OTOP1: variants seen among roughly 807,000 people sequenced by gnomAD.
OTOP1 encodes otopetrin 1, also known as proton channel OTOP1.
OTOP1 carries 59 observed loss-of-function variants against 52.9 expected under a neutral mutation model. The ratio of observed to expected loss-of-function variants is 1.12; its 90% confidence interval spans 0.91 to 1.39. The LOEUF (loss-of-function observed/expected upper bound fraction) is 1.39, where lower values mean the gene tolerates loss of function less well. Ranked by LOEUF, OTOP1 falls within the 40% of genes most tolerant of loss-of-function variation. The pLI is 0.00. For missense variants in OTOP1, 761 were observed against 800.9 expected (o/e 0.95, Z 0.60); for synonymous variants, 317 against 337.7 (o/e 0.94, Z 0.67).
intron 1 of OTOP1, among the ~76,000 whole-genome samples, chr4:4,218,003 T>C (rs188757497): frequency 1.3e-5 from 2 of 152,158 alleles, no homozygotes; most frequent in Non-Finnish European, 1.5e-5. Context: ...TTCAAATGGA[T>C]AAACTGCCTG....
In OTOP1 at chr4:4,197,780, G is replaced by C; in HGVS notation, c.1054C>G (p.Leu352Val). The C allele has an allele frequency of 6.2e-7, 1 of 1,614,052 alleles. No individual in the cohort carries two copies. The highest frequency in any genetic ancestry group is 8.5e-7 in the Non-Finnish European group (1 of 1,180,006). Reference protein sequence around the residue: ...KSESALIMFYLYAITLLMLMG... With the variant: ...KSESALIMFYVYAITLLMLMG... ...AGCATCAGCAGGGTGATGGCATACAGGTAGAACATGATGAGTGCCGACTCG... is the reference window on the plus strand; with the variant it reads ...AGCATCAGCAGGGTGATGGCATACACGTAGAACATGATGAGTGCCGACTCG... The change falls in exon 5 of 6, where the codon CTG becomes GTG. Residue 352 changes from leucine to valine, a missense_variant. Leu to Val is a conservative substitution (Grantham distance 32, BLOSUM62 1). Around this residue, in one of 3 missense-constraint regions of OTOP1, gnomAD observed 632 missense variants for 619.5 expected, o/e 1.02. Coordinates refer to ENST00000296358, the MANE Select transcript of OTOP1 (RefSeq NM_177998.3).
chr4:4,203,524 G>C (rs185786369), intron 3 of OTOP1, among the ~76,000 whole-genome samples: 4 of 152,296 alleles, frequency 2.6e-5, no homozygotes, highest in East Asian at 1.9e-4. Flanking sequence ...TGCCTCCTAA[G>C]GCAGAAGATA....
At chr4:4,189,511 T>C (rs2920256) in intron 5 of OTOP1, among the ~76,000 whole-genome samples, 107,231 of 152,084 alleles carry the variant, frequency 0.71, 38,243 homozygotes, top group South Asian at 0.81. Flanking sequence ...TCCCTGGCTG[T>C]GGCAGGCAGC....
intron 2 of OTOP1, among the ~76,000 whole-genome samples, chr4:4,210,267 C>G (rs975341908): frequency 1.3e-5 from 2 of 152,208 alleles, no homozygotes; most frequent in Non-Finnish European, 2.9e-5. Flanking sequence ...CGCTGTATCA[C>G]TATAAGGCTC....
Position 4,212,277 on chromosome 4 carries a change from T to C in OTOP1, c.540+591A>G, listed in dbSNP as rs1046013198. ...TATTTAAATTATATTTATCAAATCC[T>C]TACTTCTGAGCCACACCAAGTTTAC... On this transcript the variant is annotated intron_variant, in intron 2 of 5. Transcript: ENST00000296358. Among the ~76,000 whole-genome samples the C allele has an allele frequency of 3.9e-5, 6 of 152,186 alleles. No individual in the cohort carries two copies. The East Asian group carries it at 1.2e-3, about 29-fold the overall frequency.
At chr4:4,221,994 T>G (rs1305946425) in intron 1 of OTOP1, among the ~76,000 whole-genome samples, 1 of 152,164 alleles carries the variant, frequency 6.6e-6, no homozygotes, top group Admixed American at 6.5e-5. Flanking sequence ...TCCCTGGAGC[T>G]TCTATCTTCA....
chr4:4,205,835 T>C (rs971585391), intron 3 of OTOP1, among the ~76,000 whole-genome samples: 3 of 152,232 alleles, frequency 2.0e-5, no homozygotes, highest in African/African-American at 7.2e-5. Flanking sequence ...GAAAAGTGTC[T>C]AAGATGCAGA....
chr4:4,217,900 A>G (rs1717185311), intron 1 of OTOP1, among the ~76,000 whole-genome samples: 1 of 152,184 alleles, frequency 6.6e-6, no homozygotes, highest in African/African-American at 2.4e-5. Flanking sequence ...AACTTTGTGG[A>G]AAGCTGGAGG....
intron 4 of OTOP1, among the ~76,000 whole-genome samples, chr4:4,198,598 C>A (rs886654101): frequency 6.6e-6 from 1 of 152,152 alleles, no homozygotes; most frequent in Non-Finnish European, 1.5e-5. Context: ...AAAATACTTT[C>A]TGGAGAAAAT....
At chr4:4,219,844 T>TAC (rs1309617724) in intron 1 of OTOP1, among the ~76,000 whole-genome samples, 8 of 147,054 alleles carry the variant, frequency 5.4e-5, no homozygotes, top group South Asian at 4.2e-4. Flanking sequence ...TACATATATA[T>TAC]ACACATATAC....
intron 3 of OTOP1, 146 bp downstream of exon 3, chr4:4,205,926 C>T: frequency 1.4e-6 from 1 of 713,812 alleles, no homozygotes; most frequent in Middle Eastern, 3.2e-4. Flanking sequence ...ACCCTCTTCT[C>T]TCAGCCACAA....
At chr4:4,207,979 G>A (rs1450621021) in intron 2 of OTOP1, among the ~76,000 whole-genome samples, 9 of 152,132 alleles carry the variant, frequency 5.9e-5, no homozygotes, top group African/African-American at 4.8e-5. Flanking sequence ...TTTGATCAGC[G>A]GTTCACATGT....
chr4:4,198,150 A>AG lies in OTOP1; in HGVS notation c.731-48dup. 6 of 1,505,316 alleles carry AG rather than the reference A, an allele frequency of 4.0e-6. No individual in the cohort carries two copies. In the African/African-American group the frequency reaches 4.1e-5, roughly 10 times the overall value. 93.2% of individuals were successfully genotyped at this position (1,505,316 alleles called of 1,614,324 possible). On this transcript the variant is annotated intron_variant, in intron 4 of 5. Coordinates refer to ENST00000296358, the MANE Select transcript of OTOP1 (RefSeq NM_177998.3). ...CACAGGAGGGCGATTAGCAGGTGCA[A>AG]GGGGGAACAGAAAAGCACAGAAAAC...
chr4:4,197,849 C>T lies in OTOP1; in HGVS notation c.985G>A (p.Val329Met). ...CCAATATGAATCAGGTATACCACCA[C>T]CACAGCAATGGTGGCGGCCAGCACG... ...LTVLAATIAVVVVYLIHIGRS... is the reference protein window; with the variant it reads ...LTVLAATIAVMVVYLIHIGRS... Residue 329 changes from valine to methionine, a missense_variant, in exon 5 of 6, where the codon GTG (valine) becomes ATG (methionine). Val to Met is a conservative substitution (Grantham distance 21). This residue lies in a region of OTOP1 where 632 missense variants were observed against 619.5 expected (regional missense o/e 1.02). Transcript: ENST00000296358. 2 of 1,614,116 alleles carry T rather than the reference C, an allele frequency of 1.2e-6. No homozygotes were observed. Among genetic ancestry groups the T allele is most frequent in the African/African-American group, 1.3e-5 (1 of 75,016 alleles).
chr4:4,225,562 G>T (rs2108808422), intron 1 of OTOP1, among the ~76,000 whole-genome samples: 2 of 14,412 alleles, frequency 1.4e-4, no homozygotes, highest in African/African-American at 7.7e-4. Flanking sequence ...GAGCAACATT[G>T]TCTCAAAAAA....
intron 1 of OTOP1, among the ~76,000 whole-genome samples, chr4:4,220,370 C>T (rs1004245370): frequency 6.6e-6 from 1 of 151,986 alleles, no homozygotes; most frequent in African/African-American, 2.4e-5. Flanking sequence ...ATAAAATCTT[C>T]CATACCTCAA....
At chr4:4,219,811 G>GTATA (rs1335527077) in intron 1 of OTOP1, among the ~76,000 whole-genome samples, 1 of 141,370 alleles carries the variant, frequency 7.1e-6, no homozygotes, top group South Asian at 2.3e-4. Context: ...ATATATACGT[G>GTATA]TATATATGTA....
chr4:4,219,651 C>T (rs1717232334), intron 1 of OTOP1, among the ~76,000 whole-genome samples: 1 of 149,060 alleles, frequency 6.7e-6, no homozygotes, highest in Admixed American at 6.7e-5. Flanking sequence ...GAGCCAAGAT[C>T]GTGCCACTGC....
chr4:4,209,865 C>T (rs1716987541), intron 2 of OTOP1, among the ~76,000 whole-genome samples: 1 of 152,158 alleles, frequency 6.6e-6, no homozygotes, highest in Admixed American at 6.5e-5. Flanking sequence ...CCCTACCCTA[C>T]CCCACTGTGA....
Sources: allele counts gnomAD v4.1 joint callset (sites outside exome capture counted in the v4.1 genomes callset), GRCh38; gene constraint gnomAD v4.1.1; regional missense constraint gnomAD v4.1.1; transcripts MANE v1.5; gene names NCBI Gene and HGNC (gene_info 2026-07-23, HGNC 2026-07-21).